PIGN: variants seen among roughly 807,000 people sequenced by gnomAD.
PIGN encodes the protein GPI ethanolamine phosphate transferase 1.
In PIGN, 117 loss-of-function variants were observed where a neutral mutation model predicts 125.4. The ratio of observed to expected loss-of-function variants is 0.93; its 90% CI spans 0.80 to 1.09. The LOEUF (loss-of-function observed/expected upper bound fraction) is 1.09, where lower values mean the gene tolerates loss of function less well. PIGN is among the 50% of genes least tolerant of loss of function. PIGN has a pLI of 0.00. For synonymous variants in PIGN, 392 were observed against 377.8 expected, an observed-to-expected ratio of 1.04 and a Z score of -0.44; for missense variants, 1,075 against 1,094.9, an observed-to-expected ratio of 0.98 and a Z score of 0.26.
intron 7 of PIGN, among the ~76,000 whole-genome samples, chr18:62,150,510 T>C (rs2036491607): frequency 6.6e-6 from 1 of 152,050 alleles, no homozygotes; most frequent in African/African-American, 2.4e-5. Flanking sequence ...TTTTTTAAAG[T>C]AAATAGATTC....
At chr18:62,186,251 A>G (rs945528313) in intron 1 of PIGN, 1 of 152,086 alleles carries the variant, frequency 6.6e-6, no homozygotes, top group Non-Finnish European at 1.5e-5. Flanking sequence ...GGGTTTCACC[A>G]TGTTGGTCAG....
rs2030499929 is a variant in PIGN at position 62,044,229 on chromosome 18, A to G, written c.*1627T>C. ...GATAAAAAAACTGAGCACCCTTTAC[A>G]ATGTTGTAATAAAATATTTATTAAT... On this transcript the variant is annotated 3_prime_UTR_variant, in exon 31 of 31. Coordinates refer to ENST00000640252, the MANE Select transcript of PIGN (RefSeq NM_176787.5). The G allele has an allele frequency of 6.6e-6, 1 of 152,222 alleles. No individual in the cohort carries two copies. Among genetic ancestry groups the G allele is most frequent in the Admixed American group, 6.5e-5 (1 of 15,286 alleles). 9.4% of individuals were successfully genotyped at this position (152,222 alleles called of 1,614,324 possible).
In PIGN at chr18:62,113,150, A is replaced by G. The variant is rs922043983; in HGVS notation, c.1418T>C (p.Val473Ala). The G allele has an allele frequency of 1.7e-5, 27 of 1,608,596 alleles. No homozygotes were observed. In the African/African-American group the frequency reaches 2.3e-4, roughly 14 times the overall value. ...TAAACGTACCTTCACTTCTTTACTA[A>G]CACCTTTTATAAGGTTGGAATGAGA... ...IKSHSNLIKG[V>A]SKEVKKPSHL... The change falls in exon 16 of 31, where the codon GTT becomes GCT. Residue 473 changes from valine to alanine, a missense_variant. Physicochemically the swap from Val to Ala is moderately conservative, Grantham distance 64. This residue lies in a region of PIGN where 915 missense variants were observed against 908.7 expected (regional missense o/e 1.01). Transcript: ENST00000640252.
intron 10 of PIGN, among the ~76,000 whole-genome samples, chr18:62,144,011 A>G (rs971013153): frequency 1.3e-5 from 2 of 152,062 alleles, no homozygotes; most frequent in African/African-American, 4.8e-5. Flanking sequence ...GTATAATAAA[A>G]TTTCATTCAA....
chr18:62,067,757 G>A (rs1365739184), intron 30 of PIGN, among the ~76,000 whole-genome samples: 2 of 152,148 alleles, frequency 1.3e-5, no homozygotes, highest in Non-Finnish European at 2.9e-5. Context: ...CAAGATTTTG[G>A]TTCTTATGAA....
intron 30 of PIGN, among the ~76,000 whole-genome samples, chr18:62,050,539 T>C (rs1239380979): frequency 9.3e-5 from 14 of 150,814 alleles, no homozygotes; most frequent in South Asian, 2.1e-4. Flanking sequence ...GTGATTTTTG[T>C]ACATTGATTT....
intron 28 of PIGN, among the ~76,000 whole-genome samples, chr18:62,079,698 A>G (rs2033353396): frequency 6.6e-6 from 1 of 151,624 alleles, no homozygotes; most frequent in African/African-American, 2.4e-5. Flanking sequence ...GAGACCTGGT[A>G]GATATGATAA....
chr18:62,138,986 G>A lies in PIGN; in HGVS notation c.1113C>T (p.Phe371=). Residue 371 remains phenylalanine (F), a synonymous_variant, in exon 13 of 31, where the codon TTC becomes TTT. Transcript: ENST00000640252. ...CCTTTTTGAATTTTTTTTTTACCTT[G>A]AACTGTTCAAGAATCTGTACTGCAT... is the stretch of plus-strand genomic sequence containing the variant. ...FTNAVQILEQ[F]KVKMTQKKEV... 2 of 1,582,312 alleles carry A rather than the reference G, an allele frequency of 1.3e-6. No homozygotes were observed. Among genetic ancestry groups the A allele is most frequent in the Non-Finnish European group, 1.7e-6 (2 of 1,156,724 alleles).
intron 14 of PIGN, among the ~76,000 whole-genome samples, chr18:62,121,391 T>C (rs750505790): frequency 2.0e-5 from 3 of 152,214 alleles, no homozygotes; most frequent in Admixed American, 1.3e-4. Flanking sequence ...CCAAGCACTT[T>C]ACACATTTTT....
intron 21 of PIGN, among the ~76,000 whole-genome samples, chr18:62,102,201 T>C (rs1200722589): frequency 6.6e-6 from 1 of 151,120 alleles, no homozygotes; most frequent in Non-Finnish European, 1.5e-5. Flanking sequence ...CACTCCACCC[T>C]GGGTGACAGG....
intron 30 of PIGN, among the ~76,000 whole-genome samples, chr18:62,057,396 C>CTT (rs201676368): frequency 2.0e-4 from 31 of 152,142 alleles, no homozygotes; most frequent in Non-Finnish European, 4.1e-4. Context: ...GCCCTTGATT[C>CTT]TTTTTTTCTC....
chr18:62,052,181 G>C (rs1168067778), intron 30 of PIGN: 2 of 151,600 alleles, frequency 1.3e-5, no homozygotes, highest in Non-Finnish European at 3.0e-5. Flanking sequence ...ATATTCTGTT[G>C]ATTTGGGGTG....
intron 4 of PIGN, among the ~76,000 whole-genome samples, chr18:62,159,310 A>G (rs1407843625): frequency 6.6e-6 from 1 of 152,216 alleles, no homozygotes; most frequent in Non-Finnish European, 1.5e-5. Flanking sequence ...GATTCCTGAC[A>G]TTGTAAATAT....
chr18:62,084,676 A>G, intron 26 of PIGN, 70 bp from the exon 27 acceptor site: 1 of 974,576 alleles, frequency 1.0e-6, no homozygotes. Flanking sequence ...TTCTTCTAAA[A>G]AGATGTTTAA....
At chr18:62,112,187 C>G (rs2034905550) in intron 16 of PIGN, among the ~76,000 whole-genome samples, 1 of 152,056 alleles carries the variant, frequency 6.6e-6, no homozygotes, top group Admixed American at 6.6e-5. Context: ...CACATACACT[C>G]AAATAATTAA....
At chr18:62,112,818 T>C (rs889503963) in intron 16 of PIGN, 1 of 335,568 alleles carries the variant, frequency 3.0e-6, no homozygotes, top group Non-Finnish European at 5.3e-6. Flanking sequence ...ACTAGAAAGA[T>C]ATGGAATACT....
At chr18:62,090,603 T>G (rs758404045) in intron 23 of PIGN, 25 bp from the exon 24 acceptor site, 4 of 1,398,518 alleles carry the variant, frequency 2.9e-6, no homozygotes, top group Non-Finnish European at 4.0e-6. Context: ...AAGGTAGAAA[T>G]GAAAAGAAAA....
At chr18:62,064,640 C>T (rs1488676997) in intron 30 of PIGN, among the ~76,000 whole-genome samples, 1 of 152,166 alleles carries the variant, frequency 6.6e-6, no homozygotes, top group Non-Finnish European at 1.5e-5. Context: ...TTTCATGAGA[C>T]TCAATGAGAT....
intron 23 of PIGN, 114 bp downstream of exon 23, chr18:62,095,734 C>G (rs2034152005): frequency 3.1e-6 from 2 of 637,526 alleles, no homozygotes; most frequent in Non-Finnish European, 5.7e-6. Context: ...ATAATGTATC[C>G]CTCAAGATTT....
Sources: allele counts gnomAD v4.1 joint callset (sites outside exome capture counted in the v4.1 genomes callset), GRCh38; gene constraint gnomAD v4.1.1; regional missense constraint gnomAD v4.1.1; transcripts MANE v1.5; gene names NCBI Gene and HGNC (gene_info 2026-07-23, HGNC 2026-07-21).